Variants in LGMN observed in about 807,000 individuals in gnomAD.
LGMN encodes asparaginyl endopeptidase.
In LGMN, 36 loss-of-function variants were observed where a neutral mutation model predicts 56.8. The observed-to-expected ratio is 0.63, with a 90% CI of 0.49 to 0.84. The LOEUF (loss-of-function observed/expected upper bound fraction) is 0.84, where lower values mean the gene tolerates loss of function less well. Ranked by LOEUF, LGMN falls within the 40% of genes least tolerant of loss-of-function variation. LGMN has a pLI of 0.00. For synonymous variants in LGMN, 199 were observed against 210.1 expected (o/e 0.95, Z 0.46); for missense variants, 446 against 556.1 (o/e 0.80, Z 1.99).
In LGMN at chr14:92,727,332, A is replaced by G. The variant is rs1329048921; in HGVS notation, c.138+5317T>C. Among the ~76,000 whole-genome samples, 4 of 148,390 alleles carry G rather than the reference A, an allele frequency of 2.7e-5. No individual in the cohort carries two copies. The Admixed American group carries it at 2.7e-4, about 10-fold the overall frequency. On this transcript the variant is annotated intron_variant, in intron 2 of 13. Transcript: ENST00000334869. Reference sequence around the variant, plus strand: ...GTAGTCCCAGCTACTCGAGAGGCTGAGGCACGAGAATTGATTGAACCCGGG... The same window carrying G: ...GTAGTCCCAGCTACTCGAGAGGCTGGGGCACGAGAATTGATTGAACCCGGG...
intron 3 of LGMN, among the ~76,000 whole-genome samples, chr14:92,717,805 G>C (rs1890147333): frequency 6.6e-6 from 1 of 152,212 alleles, no homozygotes; most frequent in Admixed American, 6.5e-5. Flanking sequence ...CTTTCAGAAA[G>C]AGACAGGACA....
At chr14:92,742,191 C>G (rs1011675949) in intron 1 of LGMN, among the ~76,000 whole-genome samples, 4 of 152,086 alleles carry the variant, frequency 2.6e-5, no homozygotes, top group African/African-American at 9.7e-5. Context: ...TATAAATCCC[C>G]AGCTGACCTT....
At chr14:92,715,620 A>G (rs1215182013) in intron 5 of LGMN, 2 of 152,542 alleles carry the variant, frequency 1.3e-5, no homozygotes, top group Non-Finnish European at 1.5e-5. Context: ...CCACATGAGC[A>G]ATTACTAAAC....
chr14:92,711,549 A>T, intron 10 of LGMN, 110 bp downstream of exon 10: 1 of 1,036,950 alleles, frequency 9.6e-7, no homozygotes, highest in Non-Finnish European at 1.5e-6. Flanking sequence ...TCCCTGCCTC[A>T]AGCATTCCTC....
At chr14:92,737,397 T>C (rs1891356222) in intron 1 of LGMN, among the ~76,000 whole-genome samples, 1 of 151,754 alleles carries the variant, frequency 6.6e-6, no homozygotes, top group Non-Finnish European at 1.5e-5. Flanking sequence ...AATACAGAAC[T>C]CTCACCTGCC....
Position 92,707,061 on chromosome 14 carries a change from A to G in LGMN, c.1021-408T>C, listed in dbSNP as rs541280773. 2.6e-5 allele frequency among the ~76,000 whole-genome samples: 4 copies of G among 152,168 alleles called. No individual in the cohort carries two copies. The East Asian group carries it at 7.7e-4, about 29-fold the overall frequency. On this transcript the variant is annotated intron_variant, in intron 11 of 13. Transcript: ENST00000334869. ...ACTTTTATTTTCTTTCCAGACAATG[A>G]AAAACAGCATCATAAAGAAGAAAAT...
intron 7 of LGMN, 91 bp downstream of exon 7, chr14:92,713,732 G>T: frequency 1.1e-6 from 1 of 884,302 alleles, no homozygotes; most frequent in Non-Finnish European, 1.9e-6. Flanking sequence ...AGCACCCACA[G>T]TTGGAGGACG....
intron 10 of LGMN, among the ~76,000 whole-genome samples, 174 bp from the exon 11 acceptor site, chr14:92,710,046 C>T (rs142432854): frequency 1.6e-3 from 240 of 152,234 alleles, no homozygotes; most frequent in South Asian, 2.9e-3. Context: ...GCTTTCAGGA[C>T]CACAGGGCCA....
intron 2 of LGMN, among the ~76,000 whole-genome samples, chr14:92,731,942 T>C (rs573905503): frequency 6.6e-6 from 1 of 152,360 alleles, no homozygotes; most frequent in South Asian, 2.1e-4. Context: ...GACACTCCGA[T>C]GTGGCTTCTT....
In LGMN at chr14:92,732,810, A is replaced by G. The variant is rs1401533541; in HGVS notation, c.-24T>C. 6.2e-7 allele frequency: 1 copy of G among 1,609,748 alleles called. No individual in the cohort carries two copies. The highest frequency in any genetic ancestry group is 8.5e-7 in the Non-Finnish European group (1 of 1,178,320). ...ATTCTGCACCTTGGAGTTCAATTGC[A>G]GACACCTGAGAAGGGAAACACAGAG... On this transcript the variant is annotated 5_prime_UTR_variant, in exon 2 of 14. Transcript: ENST00000334869.
Position 92,704,218 on chromosome 14 carries a change from G to T in LGMN, c.*101C>A. On this transcript the variant is annotated 3_prime_UTR_variant, in exon 14 of 14. Coordinates refer to ENST00000334869, the MANE Select transcript of LGMN (RefSeq NM_005606.7). ...CCCTGGAGCGGGGGCTCCCCAGGAG[G>T]GCCCGAGCAGCGGAGACTTCTCACT... is the stretch of plus-strand genomic sequence containing the variant. 1 of 1,501,502 alleles carries T rather than the reference G, an allele frequency of 6.7e-7. No homozygotes were observed. The highest frequency in any genetic ancestry group is 9.3e-7 in the Non-Finnish European group (1 of 1,077,978). The allele number at this position is 1,501,502 out of a possible 1,614,324, so 93.0% of individuals were successfully genotyped here.
At chr14:92,735,031 C>T (rs934406803) in intron 1 of LGMN, among the ~76,000 whole-genome samples, 1 of 152,232 alleles carries the variant, frequency 6.6e-6, no homozygotes, top group Admixed American at 6.5e-5. Context: ...AAGAAACCAT[C>T]TTCAATGTTC....
chr14:92,709,330 A>G (rs1178087469), intron 11 of LGMN, among the ~76,000 whole-genome samples: 1 of 152,218 alleles, frequency 6.6e-6, no homozygotes, highest in Non-Finnish European at 1.5e-5. Context: ...GAATATGATT[A>G]GCTAATAACT....
At chr14:92,722,372 G>A (rs554197830) in intron 2 of LGMN, among the ~76,000 whole-genome samples, 2 of 152,158 alleles carry the variant, frequency 1.3e-5, no homozygotes, top group Non-Finnish European at 2.9e-5. Context: ...CTTGAGGTCA[G>A]GAGTTCGAGA....
In LGMN at chr14:92,738,801, G is replaced by A. The variant is rs1302170233; in HGVS notation, c.-29-5986C>T. 4.0e-5 allele frequency among the ~76,000 whole-genome samples: 6 copies of A among 151,520 alleles called. No individual in the cohort carries two copies. In the South Asian group the frequency reaches 6.2e-4, roughly 16 times the overall value. ...TTTGGGAGGCCGAGGTGGGCAGATCGTGAGGTCAAGAGATTGAGACCATCC... is the reference window on the plus strand; with the variant it reads ...TTTGGGAGGCCGAGGTGGGCAGATCATGAGGTCAAGAGATTGAGACCATCC... On this transcript the variant is annotated intron_variant, in intron 1 of 13. Coordinates refer to ENST00000334869, the MANE Select transcript of LGMN (RefSeq NM_005606.7).
At chr14:92,731,198 T>C (rs1891033331) in intron 2 of LGMN, among the ~76,000 whole-genome samples, 1 of 152,194 alleles carries the variant, frequency 6.6e-6, no homozygotes, top group Admixed American at 6.5e-5. Flanking sequence ...GGACTCTGTG[T>C]AAAGCGCTCT....
rs931207529 is a variant in LGMN at position 92,707,348 on chromosome 14, C to CA, written c.1021-696dup. Among the ~76,000 whole-genome samples the CA allele has an allele frequency of 6.2e-4, 95 of 152,208 alleles. 1 individual carries two copies. The highest frequency in any genetic ancestry group is 2.3e-3 in the African/African-American group (94 of 41,456). ...ATATCTGAATTCCACAAAGACCCTC[C>CA]ACCCACTGTGTGTTAGACCAGCAGT... On this transcript the variant is annotated intron_variant, in intron 11 of 13. Transcript: ENST00000334869.
chr14:92,706,005 A>G (rs1272131617), intron 12 of LGMN, among the ~76,000 whole-genome samples: 10 of 152,194 alleles, frequency 6.6e-5, no homozygotes, highest in Non-Finnish European at 1.5e-5. Context: ...CTTTCTCTAG[A>G]AGGATTGAAG....
In LGMN at chr14:92,712,824, G is replaced by A. The variant is rs1249705725; in HGVS notation, c.591C>T (p.His197=). 6.2e-7 allele frequency: 1 copy of A among 1,613,984 alleles called. No homozygotes were observed. Among genetic ancestry groups the A allele is most frequent in the Admixed American group, 1.7e-5 (1 of 60,008 alleles). ...ACCTACCATTGATGTTATCCGGCAG[G>A]TGGTTCATCATGGACCCAGACTCAC... ...EACESGSMMN[H]LPDNINVYAT... The change falls in exon 8 of 14, where the codon CAC becomes CAT. Residue 197 remains histidine (H), a synonymous_variant. Transcript: ENST00000334869.
Sources: allele counts gnomAD v4.1 joint callset (sites outside exome capture counted in the v4.1 genomes callset), GRCh38; gene constraint gnomAD v4.1.1; transcripts MANE v1.5; gene names NCBI Gene and HGNC (gene_info 2026-07-23, HGNC 2026-07-21).